AKR1B15: variants seen among roughly 807,000 people sequenced by gnomAD.
The protein encoded by AKR1B15 is aldo-keto reductase family 1 member B15, also known as estradiol 17-beta-dehydrogenase AKR1B15.
In AKR1B15, 49 loss-of-function variants were observed where a neutral mutation model predicts 38.5. The observed-to-expected ratio is 1.27, with a 90% CI of 1.01 to 1.62. The LOEUF is 1.62. Ranked by LOEUF, AKR1B15 falls within the 40% of genes most tolerant of loss-of-function variation. The pLI is 0.00. For missense variants in AKR1B15, 411 were observed against 381.6 expected, an observed-to-expected ratio of 1.08 and a Z score of -0.64; for synonymous variants, 137 against 135.5, an observed-to-expected ratio of 1.01 and a Z score of -0.08.
At chr7:134,557,508 A>G (rs986391879) in intron 2 of AKR1B15, among the ~76,000 whole-genome samples, 2 of 152,090 alleles carry the variant, frequency 1.3e-5, no homozygotes, top group African/African-American at 4.8e-5. Flanking sequence ...GCTGACTCCA[A>G]GCACATCCAA....
chr7:134,562,827 C>CTCTTTCTTTCTTT (rs1562946867), intron 2 of AKR1B15, among the ~76,000 whole-genome samples: 15 of 138,314 alleles, frequency 1.1e-4, no homozygotes, highest in African/African-American at 4.0e-4. Context: ...TTCCTTCCTT[C>CTCTTTCTTTCTTT]CTTTCTCTTT....
intron 2 of AKR1B15, among the ~76,000 whole-genome samples, chr7:134,564,359 A>C (rs1794485528): frequency 6.6e-6 from 1 of 152,202 alleles, no homozygotes; most frequent in Admixed American, 6.5e-5. Context: ...AGGGCTCTGC[A>C]TCTTTTTAGG....
At chr7:134,555,727 G>A (rs567840326) in intron 1 of AKR1B15, among the ~76,000 whole-genome samples, 31 of 152,236 alleles carry the variant, frequency 2.0e-4, no homozygotes, top group African/African-American at 6.5e-4. Flanking sequence ...GATCATGAGA[G>A]CAGGGAACGC....
chr7:134,562,382 C>T (rs564901120), intron 2 of AKR1B15, among the ~76,000 whole-genome samples: 3 of 152,104 alleles, frequency 2.0e-5, no homozygotes, highest in Non-Finnish European at 2.9e-5. Flanking sequence ...CCTTATTTGT[C>T]CCTACCCACT....
intron 2 of AKR1B15, among the ~76,000 whole-genome samples, chr7:134,563,855 T>G (rs1433008519): frequency 2.0e-5 from 3 of 152,156 alleles, no homozygotes; most frequent in Non-Finnish European, 4.4e-5. Flanking sequence ...TTCTAGCCGC[T>G]TACCACAGCT....
rs375708670 is a variant in AKR1B15, at chr7:134,576,461, A to T, written c.825+31A>T. 2.5e-6 allele frequency: 4 copies of T among 1,608,356 alleles called. No individual in the cohort carries two copies. In the African/African-American group the frequency reaches 5.4e-5, roughly 22 times the overall value. The stretch of plus-strand genomic sequence containing the variant: ...ATATTTTTATTTTTCTTGTTATCCA[A>T]CCACTCATGCTTCCAGTCTCATGTT... On this transcript the variant is annotated intron_variant, in intron 9 of 11. Transcript: ENST00000457545.
chr7:134,562,895 T>TTTCTTTCTTTCC (rs1562947153), intron 2 of AKR1B15, among the ~76,000 whole-genome samples: 4 of 140,896 alleles, frequency 2.8e-5, no homozygotes, highest in African/African-American at 1.1e-4. Flanking sequence ...TCTTTCCTTC[T>TTTCTTTCTTTCC]TTCTTCCTTC....
intron 11 of AKR1B15, among the ~76,000 whole-genome samples, chr7:134,578,596 C>CAT (rs767578718): frequency 3.3e-5 from 5 of 152,212 alleles, no homozygotes; most frequent in Admixed American, 1.3e-4. Context: ...TGTCTAATTA[C>CAT]ATATATCAAA....
At chr7:134,579,003 G>C (rs73453391) in intron 11 of AKR1B15, among the ~76,000 whole-genome samples, 1 of 152,184 alleles carries the variant, frequency 6.6e-6, no homozygotes, top group Non-Finnish European at 1.5e-5. Context: ...TTTCTTCGCT[G>C]TGTGACATTG....
At chr7:134,568,126 CAT>C (rs1336682242) in intron 3 of AKR1B15, 30 bp from the exon 4 acceptor site, 2 of 1,612,390 alleles carry the variant, frequency 1.2e-6, no homozygotes, top group Non-Finnish European at 1.7e-6. Flanking sequence ...AAAAAAAATA[CAT>C]GTGTGATGGG....
In AKR1B15 at chr7:134,571,159, G is replaced by A. The variant is rs533893978; in HGVS notation, c.436-445G>A. On this transcript the variant is annotated intron_variant, in intron 5 of 11. Transcript: ENST00000457545. ...TTCCAGCTCTCTCCCCTCCTGACCA[G>A]CTGGAGTGATGATGGCCTGCCATCC... Among the ~76,000 whole-genome samples the A allele has an allele frequency of 4.3e-4, 65 of 152,328 alleles. No homozygotes were observed. In the South Asian group the frequency reaches 0.01, roughly 24 times the overall value.
chr7:134,559,995 C>G (rs1258088233), intron 2 of AKR1B15, among the ~76,000 whole-genome samples: 3 of 151,998 alleles, frequency 2.0e-5, no homozygotes, highest in Non-Finnish European at 4.4e-5. Context: ...GTAGTCCTAG[C>G]TACTTGGGAG....
chr7:134,573,503 A>G, intron 6 of AKR1B15: 3 of 985,444 alleles, frequency 3.0e-6, no homozygotes, highest in Non-Finnish European at 3.6e-6. Context: ...GATCAAGTTC[A>G]GAGGCTCTGA....
chr7:134,565,643 G>A lies in AKR1B15; in HGVS notation c.150+874G>A. 4 of 1,540,108 alleles carry A rather than the reference G, an allele frequency of 2.6e-6. No individual in the cohort carries two copies. The South Asian group carries it at 3.6e-5, about 14-fold the overall frequency. Reference sequence around the variant, plus strand: ...GCCAGAAAAGCCTGGAGGTCGGGTAGGGGTTTGGAGAGGTGAATTTCAGTC... The same window carrying A: ...GCCAGAAAAGCCTGGAGGTCGGGTAAGGGTTTGGAGAGGTGAATTTCAGTC... On this transcript the variant is annotated intron_variant, in intron 3 of 11. Coordinates refer to ENST00000457545, the MANE Select transcript of AKR1B15 (RefSeq NM_001080538.3).
intron 2 of AKR1B15, among the ~76,000 whole-genome samples, chr7:134,563,144 G>T (rs1423592037): frequency 2.0e-5 from 3 of 152,090 alleles, no homozygotes; most frequent in African/African-American, 4.8e-5. Context: ...GCAAAAGGTT[G>T]TCATGTTTAA....
chr7:134,575,317 G>A, intron 6 of AKR1B15, 103 bp from the exon 7 acceptor site: 3 of 1,502,280 alleles, frequency 2.0e-6, no homozygotes, highest in Non-Finnish European at 2.7e-6. Context: ...TAACTCTGTT[G>A]CGGTGGATCC....
chr7:134,563,918 A>G (rs1585800350), intron 2 of AKR1B15, among the ~76,000 whole-genome samples: 1 of 152,116 alleles, frequency 6.6e-6, no homozygotes, highest in South Asian at 2.1e-4. Context: ...AAACTCACAC[A>G]CCTTTTTAAC....
chr7:134,567,918 C>T (rs191539687), intron 3 of AKR1B15, among the ~76,000 whole-genome samples: 109 of 152,252 alleles, frequency 7.2e-4, no homozygotes, highest in African/African-American at 2.5e-3. Context: ...CCCAGATATT[C>T]CCTGGCAAAG....
intron 6 of AKR1B15, chr7:134,573,659 T>C (rs1794708017): frequency 4.1e-6 from 2 of 484,866 alleles, no homozygotes; most frequent in South Asian, 1.7e-4. Context: ...AAAACTAACC[T>C]GACCTATGAT....
Sources: gnomAD v4.1 joint callset for allele counts (sites outside exome capture counted in the v4.1 genomes callset) on GRCh38, gnomAD v4.1.1 for gene constraint, MANE v1.5 for transcripts, NCBI Gene and HGNC (gene_info 2026-07-23, HGNC 2026-07-21) for gene names.